The following UVRAG variants were observed in gnomAD, a reference collection of about 807,000 sequenced individuals.
The protein encoded by UVRAG is UV radiation resistance-associated gene protein.
Under a neutral mutation model 78.0 loss-of-function variants are expected in UVRAG, and 19 were observed. The ratio of observed to expected loss-of-function variants is 0.24; its 90% confidence interval spans 0.17 to 0.36. UVRAG has a LOEUF of 0.36. Among genes scored for constraint, UVRAG ranks in the 10% least tolerant of loss-of-function variants. The pLI is 1.00. For synonymous variants in UVRAG, 323 were observed against 324.6 expected (o/e 1.00, Z 0.05); for missense variants, 740 against 853.8 (o/e 0.87, Z 1.66).
intron 13 of UVRAG, among the ~76,000 whole-genome samples, chr11:76,107,872 G>T (rs1219404562): frequency 6.6e-6 from 1 of 151,608 alleles, no homozygotes; most frequent in Non-Finnish European, 1.5e-5. Flanking sequence ...TTGAAATAGT[G>T]GTAACTAGTT....
intron 1 of UVRAG, among the ~76,000 whole-genome samples, chr11:75,828,800 TATATA>T (rs374916593): frequency 0.041 from 4,322 of 105,466 alleles, 226 homozygotes; most frequent in African/African-American, 0.11. Context: ...TATATATATA[TATATA>T]TTTTTTTTTT....
intron 2 of UVRAG, among the ~76,000 whole-genome samples, chr11:75,852,665 C>A (rs539834068): frequency 7.9e-5 from 12 of 152,188 alleles, no homozygotes; most frequent in Non-Finnish European, 1.8e-4. Flanking sequence ...CCCAGCTACT[C>A]ACTAGCTTCG....
chr11:75,884,211 AGTCT>A (rs1947021139), intron 4 of UVRAG, among the ~76,000 whole-genome samples: 1 of 117,462 alleles, frequency 8.5e-6, no homozygotes. Flanking sequence ...ATTTGAGATC[AGTCT>A]CTCTCTCTCT....
At chr11:75,887,541 G>A (rs1341835887) in intron 4 of UVRAG, among the ~76,000 whole-genome samples, 8 of 148,116 alleles carry the variant, frequency 5.4e-5, no homozygotes, top group Non-Finnish European at 7.4e-5. Flanking sequence ...TCTGCCTCCC[G>A]GGTTCATGCC....
chr11:76,005,032 T>C (rs1369051775), intron 9 of UVRAG, among the ~76,000 whole-genome samples: 3 of 152,146 alleles, frequency 2.0e-5, no homozygotes, highest in African/African-American at 7.2e-5. Flanking sequence ...CAAAAAACTT[T>C]AGCAGTTGGG....
chr11:75,845,600 T>G (rs114227917), intron 1 of UVRAG, among the ~76,000 whole-genome samples: 3,020 of 152,322 alleles, frequency 0.02, 91 homozygotes, highest in African/African-American at 0.065. Context: ...AAACTTCATG[T>G]TCTCCCTTAT....
intron 10 of UVRAG, 88 bp from the exon 11 acceptor site, chr11:76,008,719 T>C (rs1949996405): frequency 1.5e-6 from 1 of 683,678 alleles, no homozygotes; most frequent in South Asian, 2.2e-5. Flanking sequence ...GAACAGTGTT[T>C]TGAGTCAGCA....
Position 75,879,979 on chromosome 11 carries a change from T to C in UVRAG, c.371T>C (p.Ile124Thr), listed in dbSNP as rs1946901105. 2 of 1,614,184 alleles carry C rather than the reference T, an allele frequency of 1.2e-6. No individual in the cohort carries two copies. Among genetic ancestry groups the C allele is most frequent in the Non-Finnish European group, 1.7e-6 (2 of 1,180,016 alleles). The change falls in exon 4 of 15, where the codon ATC (isoleucine) becomes ACC (threonine). Residue 124 changes from isoleucine to threonine, a missense_variant. Coordinates refer to ENST00000356136, the MANE Select transcript of UVRAG (RefSeq NM_003369.4). ...AAGATATGGGGTGGAAAGGAGAACA[T>C]CTACCAGCTGTTGATTGAATGGAAA... ...VVKIWGGKEN[I>T]YQLLIEWKVC...
At chr11:76,086,863 C>G (rs555581052) in intron 13 of UVRAG, among the ~76,000 whole-genome samples, 2 of 152,312 alleles carry the variant, frequency 1.3e-5, no homozygotes, top group East Asian at 3.9e-4. Flanking sequence ...TTATAACATG[C>G]TTTGTTTTCA....
In UVRAG at chr11:75,830,637, G is replaced by A. The variant is rs547086115; in HGVS notation, c.117+15113G>A. On this transcript the variant is annotated intron_variant, in intron 1 of 14. Transcript: ENST00000356136. ...AAGGCTGGTCCTGGGTATAACTAAG[G>A]TAACTTTGGAAAAAGTGCTTTGTTC... 2.0e-5 allele frequency among the ~76,000 whole-genome samples: 3 copies of A among 152,226 alleles called. No individual in the cohort carries two copies. In the South Asian group the frequency reaches 6.2e-4, roughly 32 times the overall value.
chr11:75,951,325 ATGTGTGTGTG>A (rs71036071), intron 6 of UVRAG, among the ~76,000 whole-genome samples: 3,171 of 149,472 alleles, frequency 0.021, 73 homozygotes, highest in African/African-American at 0.059. Context: ...ATAATCTGAA[ATGTGTGTGTG>A]TGTGTGTGTG....
chr11:76,004,174 T>C (rs1174988584), intron 9 of UVRAG, 85 bp downstream of exon 9: 1 of 1,362,226 alleles, frequency 7.3e-7, no homozygotes, highest in African/African-American at 1.4e-5. Flanking sequence ...TTAAAGCTGC[T>C]GGTATTAATT....
chr11:75,862,002 T>C lies in UVRAG; in HGVS notation c.270+222T>C, dbSNP rs188188865. The stretch of plus-strand genomic sequence containing the variant: ...CTGAATGAAATGACAAGTTAATGGG[T>C]GTAGCACACCGACATGGCACATGTA... On this transcript the variant is annotated intron_variant, in intron 3 of 14. Transcript: ENST00000356136. Among the ~76,000 whole-genome samples the C allele has an allele frequency of 1.9e-4, 29 of 152,286 alleles. No individual in the cohort carries two copies. In the East Asian group the frequency reaches 5.4e-3, roughly 28 times the overall value.
chr11:76,122,611 C>T (rs574190813), intron 14 of UVRAG, among the ~76,000 whole-genome samples: 2 of 152,198 alleles, frequency 1.3e-5, no homozygotes, highest in Non-Finnish European at 2.9e-5. Flanking sequence ...GCATCCTTTG[C>T]TGTAGGTGTT....
chr11:75,846,132 A>G (rs1946028444), intron 1 of UVRAG, among the ~76,000 whole-genome samples: 2 of 152,242 alleles, frequency 1.3e-5, no homozygotes, highest in South Asian at 4.1e-4. Context: ...AGATCAAAGC[A>G]TTGATATTTA....
chr11:75,997,197 C>T (rs535199782), intron 8 of UVRAG, among the ~76,000 whole-genome samples: 1 of 152,180 alleles, frequency 6.6e-6, no homozygotes, highest in East Asian at 1.9e-4. Context: ...AAGTATATTG[C>T]TTTTTGGTCA....
intron 4 of UVRAG, among the ~76,000 whole-genome samples, chr11:75,887,270 C>T (rs944632295): frequency 4.6e-5 from 7 of 151,998 alleles, no homozygotes; most frequent in Non-Finnish European, 8.8e-5. Context: ...CTCAGCCTCC[C>T]GAGTAGCTGG....
chr11:76,025,837 A>G (rs1387190615), intron 12 of UVRAG, among the ~76,000 whole-genome samples: 1 of 152,144 alleles, frequency 6.6e-6, no homozygotes, highest in African/African-American at 2.4e-5. Flanking sequence ...CTAGGTGCAT[A>G]AGGCGGTCAT....
intron 1 of UVRAG, among the ~76,000 whole-genome samples, chr11:75,818,293 T>G (rs536979275): frequency 6.6e-6 from 1 of 152,264 alleles, no homozygotes; most frequent in East Asian, 1.9e-4. Context: ...CAGTATTGTT[T>G]GTGAGAGTCA....
Sources: gnomAD v4.1 joint callset for allele counts (sites outside exome capture counted in the v4.1 genomes callset) on GRCh38, gnomAD v4.1.1 for gene constraint, MANE v1.5 for transcripts, NCBI Gene and HGNC (gene_info 2026-07-23, HGNC 2026-07-21) for gene names.